The following MELTF variants were observed in gnomAD, a reference collection of about 807,000 sequenced individuals.
MELTF encodes the protein melanotransferrin, also known as antigen p97 (melanoma associated) identified by monoclonal antibodies 133.2 and 96.5.
In MELTF, 67 loss-of-function variants were observed where a neutral mutation model predicts 83.7. The ratio of observed to expected loss-of-function variants is 0.80; its 90% CI spans 0.66 to 0.98. The LOEUF (loss-of-function observed/expected upper bound fraction) is 0.98, where lower values mean the gene tolerates loss of function less well. Ranked by LOEUF, MELTF falls within the 50% of genes least tolerant of loss-of-function variation. The probability of loss-of-function intolerance (pLI) is 0.00; values close to 1 mark genes in which losing one functional copy is unlikely to be tolerated. For missense variants in MELTF, 1,002 were observed against 1,035.6 expected, an observed-to-expected ratio of 0.97 and a Z score of 0.44; for synonymous variants, 462 against 447.6, an observed-to-expected ratio of 1.03 and a Z score of -0.41.
rs1172619869 is a variant in MELTF at position 197,011,710 on chromosome 3, G to A, written c.1234-916C>T. On this transcript the variant is annotated intron_variant, in intron 9 of 15. Coordinates refer to ENST00000296350, the MANE Select transcript of MELTF (RefSeq NM_005929.6). The surrounding 1 kb of genome is among the most constrained non-coding windows in gnomAD (Gnocchi z 4.2). ...CAGACCCTGCACCACAGCCCAGGGC[G>A]CTTCTGGCTGATGGTCCCTTCCCTG... 2.6e-5 allele frequency among the ~76,000 whole-genome samples: 4 copies of A among 152,144 alleles called. No individual in the cohort carries two copies. Among genetic ancestry groups the A allele is most frequent in the African/African-American group, 7.2e-5 (3 of 41,438 alleles).
In MELTF at chr3:197,003,200, G is replaced by A; in HGVS notation, c.*172C>T. On this transcript the variant is annotated 3_prime_UTR_variant, in exon 16 of 16. Transcript: ENST00000296350. The surrounding 1 kb of genome is among the most constrained non-coding windows in gnomAD (Gnocchi z 6.2). ...AGGGCCGCGCGGGCCCGGGGGCGGC[G>A]CCTCAGGTAGCAGCGCCAGGTGGCG... The A allele has an allele frequency of 4.4e-6, 3 of 683,288 alleles. No individual in the cohort carries two copies. Among genetic ancestry groups the A allele is most frequent in the Non-Finnish European group, 5.5e-6 (3 of 549,258 alleles). 42.3% of individuals were successfully genotyped at this position (683,288 alleles called of 1,614,324 possible). A position where few individuals can be genotyped will look rare whatever the true frequency, so the allele number is the denominator to read the frequency against.
chr3:197,008,716 A>G lies in MELTF; in HGVS notation c.1691T>C (p.Val564Ala). The change falls in exon 13 of 16, where the codon GTG becomes GCG. Residue 564 changes from valine to alanine, a missense_variant. Physicochemically the swap from Val to Ala is moderately conservative, Grantham distance 64. Transcript: ENST00000296350. This position sits in a 1 kb window ranked among gnomAD's most constrained non-coding sequence, Gnocchi z 5.4. The stretch of plus-strand genomic sequence containing the variant: ...GAAGGCAACGTCACCCGCATTCTCC[A>G]CCAGGCACCTGCCACACAGAGGGCA... ...YGYRGAFRCL[V>A]ENAGDVAFVR... is the part of the protein sequence containing the mutation. 1 of 1,613,884 alleles carries G rather than the reference A, an allele frequency of 6.2e-7. No homozygotes were observed. The highest frequency in any genetic ancestry group is 2.2e-5 in the East Asian group (1 of 44,868).
rs1207961527 is a variant in MELTF, at chr3:197,008,967, TG to T, written c.1526-3del. ...TGGCATTGAAGAACTCGCTCACTGC[TG>T]GGGTGGAGGGAAGGGCAATGATGAG... On this transcript the variant is annotated splice_region_variant and splice_polypyrimidine_tract_variant and intron_variant, in intron 11 of 15. Coordinates refer to ENST00000296350, the MANE Select transcript of MELTF (RefSeq NM_005929.6). This position sits in a 1 kb window ranked among gnomAD's most constrained non-coding sequence, Gnocchi z 5.4. 1 of 1,613,622 alleles carries T rather than the reference TG, an allele frequency of 6.2e-7. No homozygotes were observed. The highest frequency in any genetic ancestry group is 8.5e-7 in the Non-Finnish European group (1 of 1,179,836).
At chr3:197,018,664 C>T (rs1177443702) in intron 6 of MELTF, among the ~76,000 whole-genome samples, 1 of 152,046 alleles carries the variant, frequency 6.6e-6, no homozygotes, top group Non-Finnish European at 1.5e-5. Flanking sequence ...CCAGGCCGGT[C>T]TTGAACCCCT....
rs1049686167 is a variant in MELTF, at chr3:197,003,382, G to A, written c.2207C>T (p.Pro736Leu). 1.8e-6 allele frequency: 2 copies of A among 1,083,362 alleles called. No individual in the cohort carries two copies. The highest frequency in any genetic ancestry group is 1.7e-5 in the African/African-American group (1 of 59,148). 67.1% of individuals were successfully genotyped at this position (1,083,362 alleles called of 1,614,324 possible). ...GCGGGGCGGCCGGGCTCAGAGGGCG[G>A]GCGGGAGCAGGCGGGCGGCGAGGGC... ...LPALAARLLPPAL is the reference protein window; with the variant it reads ...LPALAARLLPLAL The change falls in exon 16 of 16, where the codon CCC (proline) becomes CTC (leucine). Residue 736 changes from proline (P) to leucine (L), a missense_variant. Physicochemically the swap from Pro to Leu is moderately conservative, Grantham distance 98. Transcript: ENST00000296350. The surrounding 1 kb of genome is among the most constrained non-coding windows in gnomAD (Gnocchi z 6.2).
At chr3:197,016,500 C>A (rs563206152) in intron 7 of MELTF, 131 bp from the exon 8 acceptor site, 1 of 750,732 alleles carries the variant, frequency 1.3e-6, no homozygotes, top group Non-Finnish European at 2.1e-6. Flanking sequence ...CAGGTGAGGC[C>A]TCCCTCTTCT....
intron 10 of MELTF, 73 bp downstream of exon 10, chr3:197,010,625 G>C: frequency 7.7e-7 from 1 of 1,305,892 alleles, no homozygotes; most frequent in South Asian, 1.2e-5. Context: ...AATGGCTGAG[G>C]GGGGCACTCT....
At chr3:197,023,241 A>G in intron 4 of MELTF, 128 bp from the exon 5 acceptor site, 1 of 976,116 alleles carries the variant, frequency 1.0e-6, no homozygotes. Context: ...TTCCAGCTTC[A>G]GTCTGAGCAA....
chr3:197,013,054 C>T (rs1719243066), intron 9 of MELTF, among the ~76,000 whole-genome samples: 1 of 152,190 alleles, frequency 6.6e-6, no homozygotes, highest in Admixed American at 6.5e-5. Flanking sequence ...ATTCCAATGA[C>T]ATTCTTTACA....
At chr3:197,014,944 G>GA (rs905682953) in intron 9 of MELTF, among the ~76,000 whole-genome samples, 53 of 151,326 alleles carry the variant, frequency 3.5e-4, no homozygotes, top group African/African-American at 1.3e-3. Flanking sequence ...CAGGAAAAAA[G>GA]AAAAAAAAAG....
At chr3:197,026,370 C>A (rs1719853733) in intron 3 of MELTF, 1 of 410,326 alleles carries the variant, frequency 2.4e-6, no homozygotes, top group Non-Finnish European at 4.5e-6. Context: ...AGCACCGTGC[C>A]CGGCACCACG....
At chr3:197,021,580 C>T (rs536974509) in intron 5 of MELTF, 109 bp from the exon 6 acceptor site, 4 of 992,804 alleles carry the variant, frequency 4.0e-6, no homozygotes, top group Admixed American at 4.0e-5. Context: ...TGGGCATGGG[C>T]TTTCCAGTTG....
rs1383677000 is a variant in MELTF, at chr3:197,015,458, T to G, written c.1140A>C (p.Gly380=). The stretch of plus-strand genomic sequence containing the variant: ...GCCGGCGGAAGGCCACGGCCATGTC[T>G]CCACACTTCTGGATCTCGGGAGTGG... ...VLSTPEIQKC[G]DMAVAFRRQR... Residue 380 remains glycine, a synonymous_variant, in exon 9 of 16, where the codon GGA becomes GGC. Transcript: ENST00000296350. 1.2e-6 allele frequency: 2 copies of G among 1,610,194 alleles called. No individual in the cohort carries two copies. The highest frequency in any genetic ancestry group is 1.7e-6 in the Non-Finnish European group (2 of 1,178,694).
At position 197,024,467 on chromosome 3, in the gene MELTF, T is replaced by C; in HGVS notation, c.323A>G (p.Tyr108Cys). Residue 108 changes from tyrosine (Y) to cysteine (C), a missense_variant, in exon 4 of 16, where the codon TAC (tyrosine) becomes TGC (cysteine). By Grantham distance (194) the Tyr-to-Cys change is radical (BLOSUM62 -2). Transcript: ENST00000296350. The surrounding 1 kb of genome is among the most constrained non-coding windows in gnomAD (Gnocchi z 5.3). Reference protein sequence around the residue: ...VYDQEVGTSYYAVAVVRRSSH... With the variant: ...VYDQEVGTSYCAVAVVRRSSH... The stretch of plus-strand genomic sequence containing the variant: ...GCTCCTCCTGACCACAGCCACGGCG[T>C]AATAGGAGGTACCGACCTCTAGGAG... 6.3e-7 allele frequency: 1 copy of C among 1,591,394 alleles called. No homozygotes were observed.
At chr3:197,019,424 C>T in intron 6 of MELTF, 1 of 1,379,664 alleles carries the variant, frequency 7.2e-7, no homozygotes, top group Non-Finnish European at 9.4e-7. Context: ...AAATGACTCC[C>T]TTAGATTGCC....
At chr3:197,014,383 GTTTTTTTT>G (rs71623319) in intron 9 of MELTF, among the ~76,000 whole-genome samples, 1 of 101,058 alleles carries the variant, frequency 9.9e-6, no homozygotes, top group Non-Finnish European at 1.9e-5. Flanking sequence ...AATAGGGAGA[GTTTTTTTT>G]TTTTTTTTTT....
chr3:197,023,271 T>C (rs951545576), intron 4 of MELTF, among the ~76,000 whole-genome samples, 158 bp from the exon 5 acceptor site: 1 of 152,156 alleles, frequency 6.6e-6, no homozygotes, highest in African/African-American at 2.4e-5. Context: ...GTGGACCCGA[T>C]CAGTGACCCC....
In MELTF at chr3:197,029,411, T is replaced by C. The variant is rs1233350742; in HGVS notation, c.49+243A>G. On this transcript the variant is annotated intron_variant, in intron 1 of 15. Coordinates refer to ENST00000296350, the MANE Select transcript of MELTF (RefSeq NM_005929.6). The surrounding 1 kb of genome is among the most constrained non-coding windows in gnomAD (Gnocchi z 6.5). ...ACCACGCCTCAGCCCGCGCTTCTCC[T>C]TGGAGCGTCGGAAGCCTCGGGTGTT... 1 of 383,654 alleles carries C rather than the reference T, an allele frequency of 2.6e-6. No individual in the cohort carries two copies. The highest frequency in any genetic ancestry group is 2.1e-5 in the African/African-American group (1 of 48,070). The allele number at this position is 383,654 out of a possible 1,614,324, so 23.8% of individuals were successfully genotyped here.
In MELTF at chr3:197,007,041, T is replaced by G. The variant is rs1377177972; in HGVS notation, c.1751-305A>C. Among the ~76,000 whole-genome samples, 2 of 152,110 alleles carry G rather than the reference T, an allele frequency of 1.3e-5. No individual in the cohort carries two copies. The highest frequency in any genetic ancestry group is 2.9e-5 in the Non-Finnish European group (2 of 68,018). On this transcript the variant is annotated intron_variant, in intron 13 of 15. Transcript: ENST00000296350. The surrounding 1 kb of genome is among the most constrained non-coding windows in gnomAD (Gnocchi z 4.3). ...CAGTAACGCAGGGTAGGTGTTTTTGTCCCCATTTTACAGGTGAGGAAACTG... is the reference window on the plus strand; with the variant it reads ...CAGTAACGCAGGGTAGGTGTTTTTGGCCCCATTTTACAGGTGAGGAAACTG...
Sources: gnomAD v4.1 joint callset for allele counts (sites outside exome capture counted in the v4.1 genomes callset) on GRCh38, gnomAD v4.1.1 for gene constraint, Gnocchi (gnomAD v3.1) non-coding constraint, MANE v1.5 for transcripts, NCBI Gene and HGNC (gene_info 2026-07-23, HGNC 2026-07-21) for gene names.